The following WDR59 variants were observed in gnomAD, a reference collection of about 807,000 sequenced individuals.
WDR59 encodes the protein WD repeat domain 59.
Under a neutral mutation model 131.2 loss-of-function variants are expected in WDR59, and 100 were observed. That is an observed-to-expected ratio of 0.76 (90% CI 0.65 to 0.90). The LOEUF (loss-of-function observed/expected upper bound fraction) is 0.90. Among genes scored for constraint, WDR59 ranks in the 40% least tolerant of loss-of-function variants. WDR59 has a pLI of 0.00. For synonymous variants in WDR59, 601 were observed against 466.2 expected (o/e 1.29, Z -3.72); for missense variants, 1,203 against 1,262.2 (o/e 0.95, Z 0.71).
intron 1 of WDR59, among the ~76,000 whole-genome samples, chr16:74,981,635 TATATATATATATATATATATA>T (rs1454229683): frequency 0.033 from 854 of 25,744 alleles, 73 homozygotes; most frequent in Non-Finnish European, 0.05. Context: ...TATATATATA[TATATATATATATATATATATA>T]TATATTTTTT....
chr16:74,966,759 G>A (rs768404515), intron 1 of WDR59, among the ~76,000 whole-genome samples: 9 of 152,080 alleles, frequency 5.9e-5, no homozygotes, highest in African/African-American at 1.9e-4. Flanking sequence ...GGTCACATTC[G>A]CTCTGAAATT....
chr16:74,984,657 T>C (rs2034553791), intron 1 of WDR59: 1 of 444,708 alleles, frequency 2.2e-6, no homozygotes, highest in African/African-American at 2.0e-5. Flanking sequence ...CCTCGCTCCG[T>C]ACCCTGATTG....
At chr16:74,906,317 A>AAAAAAAAAAAACAAAAAAAAAC in intron 17 of WDR59, among the ~76,000 whole-genome samples, 1 of 144,244 alleles carries the variant, frequency 6.9e-6, no homozygotes, top group East Asian at 2.1e-4. Flanking sequence ...CCGTCTCAAA[A>AAAAAAAAAAAACAAAAAAAAAC]AAAAAAAAAC....
chr16:74,958,201 A>C (rs1271661941), intron 2 of WDR59, among the ~76,000 whole-genome samples: 3 of 152,150 alleles, frequency 2.0e-5, no homozygotes, highest in African/African-American at 7.2e-5. Context: ...CCAATGCTCC[A>C]CTATAATAAG....
Position 74,909,456 on chromosome 16 carries a change from C to T in WDR59, c.1642+45G>A, listed in dbSNP as rs772674627. 6 of 1,502,506 alleles carry T rather than the reference C, an allele frequency of 4.0e-6. No homozygotes were observed. In the East Asian group the frequency reaches 1.4e-4, roughly 35 times the overall value. 93.1% of individuals were successfully genotyped at this position (1,502,506 alleles called of 1,614,324 possible). On this transcript the variant is annotated intron_variant, in intron 16 of 25. Coordinates refer to ENST00000262144, the MANE Select transcript of WDR59 (RefSeq NM_030581.4). Reference sequence around the variant, plus strand: ...TATACAGAATCTATGACATTCTTAGCTGCTCCCTCTCGAAATCTAGAATCA... The same window carrying T: ...TATACAGAATCTATGACATTCTTAGTTGCTCCCTCTCGAAATCTAGAATCA...
intron 3 of WDR59, among the ~76,000 whole-genome samples, chr16:74,953,662 C>A (rs1258671710): frequency 6.6e-6 from 1 of 152,100 alleles, no homozygotes; most frequent in Non-Finnish European, 1.5e-5. Flanking sequence ...ATATAAAGAA[C>A]TCCTACAACT....
chr16:74,887,881 G>A (rs1964845075), intron 22 of WDR59, 126 bp from the exon 23 acceptor site: 2 of 1,009,388 alleles, frequency 2.0e-6, no homozygotes, highest in Middle Eastern at 2.8e-4. Flanking sequence ...AGTTTGGGAG[G>A]CCAAGGAAGG....
chr16:74,944,930 C>T (rs562226751), intron 6 of WDR59, among the ~76,000 whole-genome samples: 1 of 152,074 alleles, frequency 6.6e-6, no homozygotes, highest in Non-Finnish European at 1.5e-5. Flanking sequence ...TAGAGACCAG[C>T]CTGGCCAATA....
chr16:74,958,198 T>A (rs1196143643), intron 2 of WDR59, among the ~76,000 whole-genome samples: 4 of 151,584 alleles, frequency 2.6e-5, no homozygotes, highest in Non-Finnish European at 2.9e-5. Flanking sequence ...TCCCCAATGC[T>A]CCACTATAAT....
At chr16:74,918,454 G>C (rs982354992) in intron 10 of WDR59, among the ~76,000 whole-genome samples, 1 of 152,224 alleles carries the variant, frequency 6.6e-6, no homozygotes. Flanking sequence ...CGAAGAGCTG[G>C]AGATGAACAT....
intron 1 of WDR59, among the ~76,000 whole-genome samples, chr16:74,970,274 T>C (rs1171282396): frequency 2.6e-5 from 4 of 152,072 alleles, no homozygotes; most frequent in Non-Finnish European, 4.4e-5. Flanking sequence ...AGCAGTACCA[T>C]GCTGTTTGAG....
chr16:74,968,310 T>A (rs1255161665), intron 1 of WDR59, among the ~76,000 whole-genome samples: 2 of 152,188 alleles, frequency 1.3e-5, no homozygotes, highest in Non-Finnish European at 2.9e-5. Flanking sequence ...AAGATTCGCA[T>A]TGCTGGCTGC....
chr16:74,917,149 C>T (rs1408845941), intron 11 of WDR59, among the ~76,000 whole-genome samples: 2 of 152,196 alleles, frequency 1.3e-5, no homozygotes, highest in Non-Finnish European at 2.9e-5. Flanking sequence ...CAGAGCAGAG[C>T]AAGGGCCACC....
intron 1 of WDR59, among the ~76,000 whole-genome samples, chr16:74,972,821 TAAAAAAAAAAAAAAAAA>T (rs57885889): frequency 5.4e-5 from 3 of 55,046 alleles, no homozygotes; most frequent in Admixed American, 5.7e-4. Context: ...GACTCTGTCT[TAAAAAAAAAAAAAAAAA>T]AAAAAAAAAA....
At chr16:74,917,492 C>A (rs1966448026) in intron 11 of WDR59, among the ~76,000 whole-genome samples, 1 of 152,132 alleles carries the variant, frequency 6.6e-6, no homozygotes. Flanking sequence ...ACCAGCTACT[C>A]AGCCAACCAG....
chr16:74,916,053 G>A, intron 12 of WDR59, 59 bp from the exon 13 acceptor site: 1 of 1,613,940 alleles, frequency 6.2e-7, no homozygotes, highest in East Asian at 2.2e-5. Flanking sequence ...ACAGAGAACA[G>A]GTCTGGGGTA....
intron 1 of WDR59, among the ~76,000 whole-genome samples, chr16:74,983,288 C>A (rs1340299806): frequency 1.3e-5 from 2 of 152,036 alleles, no homozygotes; most frequent in Non-Finnish European, 2.9e-5. Flanking sequence ...GCCTGGCCAA[C>A]AGAGCGAAAC....
intron 1 of WDR59, among the ~76,000 whole-genome samples, chr16:74,981,046 C>T (rs951597169): frequency 6.9e-6 from 1 of 144,490 alleles, no homozygotes; most frequent in African/African-American, 2.6e-5. Flanking sequence ...TGAACAAGAA[C>T]GTAAAGCCCC....
At chr16:74,914,594 ATTT>A (rs34327012) in intron 13 of WDR59, among the ~76,000 whole-genome samples, 59 of 137,030 alleles carry the variant, frequency 4.3e-4, no homozygotes, top group African/African-American at 1.2e-3. Flanking sequence ...ACAGCAGACT[ATTT>A]TTTTTTTTTT....
Sources: gnomAD v4.1 joint callset for allele counts (sites outside exome capture counted in the v4.1 genomes callset) on GRCh38, gnomAD v4.1.1 for gene constraint, MANE v1.5 for transcripts, NCBI Gene and HGNC (gene_info 2026-07-23, HGNC 2026-07-21) for gene names.